Variants in ABCA2 observed in about 807,000 individuals in gnomAD.
ABCA2 encodes the protein ATP-binding cassette sub-family A member 2.
ABCA2 carries 84 observed loss-of-function variants against 262.8 expected under a neutral mutation model. The ratio of observed to expected loss-of-function variants is 0.32; its 90% CI spans 0.27 to 0.38. ABCA2 has a LOEUF of 0.38. ABCA2 is among the 10% of genes least tolerant of loss of function. The probability of loss-of-function intolerance (pLI) is 1.00; values close to 1 mark genes in which losing one functional copy is unlikely to be tolerated. For missense variants in ABCA2, 2,662 were observed against 3,405.9 expected (o/e 0.78, Z 5.44); for synonymous variants, 1,696 against 1,502.9 (o/e 1.13, Z -2.97).
rs572175887 is a variant in ABCA2, at chr9:137,009,410, G to A, written c.6787C>T (p.Arg2263Cys). Residue 2263 changes from arginine (R) to cysteine (C), a missense_variant, in exon 45 of 49, where the codon CGC becomes TGC. Around this residue, in one of 12 missense-constraint regions of ABCA2, gnomAD observed 602 missense variants for 897.4 expected, o/e 0.67. Transcript: ENST00000341511. Reference protein sequence around the residue: ...CTRLAIMVNGRLRCLGSIQHL... With the variant: ...CTRLAIMVNGCLRCLGSIQHL... ...TGGATGCTGCCCAGGCACCGCAGGC[G>A]ACCGTTCACCATGATGGCCAGCCGC... 1.9e-6 allele frequency: 3 copies of A among 1,591,454 alleles called. No homozygotes were observed. Among genetic ancestry groups the A allele is most frequent in the South Asian group, 2.2e-5 (2 of 90,596 alleles).
intron 10 of ABCA2, 95 bp downstream of exon 10, chr9:137,020,241 C>G: frequency 6.4e-7 from 1 of 1,552,070 alleles, no homozygotes; most frequent in Non-Finnish European, 8.8e-7. Context: ...CCTCCCGTGT[C>G]AATTCTGCCG....
rs1050511976 is a variant in ABCA2 at position 137,022,329 on chromosome 9, C to G, written c.567+22G>C. ...CTGGGGCAGAAGGGAGTGGCCAGGG[C>G]TGGGAGCTGTCCCTGCCTTACCTCG... On this transcript the variant is annotated intron_variant, in intron 6 of 48. Transcript: ENST00000341511. 40 of 1,580,636 alleles carry G rather than the reference C, an allele frequency of 2.5e-5. 1 individual carries two copies. Among genetic ancestry groups the G allele is most frequent in the Non-Finnish European group, 3.4e-5 (39 of 1,164,038 alleles).
chr9:137,007,763 C>T lies in ABCA2; in HGVS notation c.*166G>A. On this transcript the variant is annotated 3_prime_UTR_variant, in exon 49 of 49. Transcript: ENST00000341511. ...TTAGGGGCGGCAACCGCAGTGACCACAGGGCATGGCCGAGTACAGGGGCTG... is the reference window on the plus strand; with the variant it reads ...TTAGGGGCGGCAACCGCAGTGACCATAGGGCATGGCCGAGTACAGGGGCTG... The T allele has an allele frequency of 3.1e-6, 3 of 966,122 alleles. No individual in the cohort carries two copies. Among genetic ancestry groups the T allele is most frequent in the South Asian group, 1.5e-5 (1 of 67,702 alleles). The allele number at this position is 966,122 out of a possible 1,614,324, so 59.8% of individuals were successfully genotyped here. A position where few individuals can be genotyped will look rare whatever the true frequency, so the allele number is the denominator to read the frequency against.
chr9:137,025,926 A>G (rs1207228360), intron 1 of ABCA2, among the ~76,000 whole-genome samples: 1 of 152,170 alleles, frequency 6.6e-6, no homozygotes, highest in Non-Finnish European at 1.5e-5. Context: ...TGCCCCACAC[A>G]GGTGCCTCCA....
At position 137,020,776 on chromosome 9, in the gene ABCA2, T is replaced by C; in HGVS notation, c.1183A>G (p.Thr395Ala). 1 of 1,594,206 alleles carries C rather than the reference T, an allele frequency of 6.3e-7. No homozygotes were observed. The highest frequency in any genetic ancestry group is 8.5e-7 in the Non-Finnish European group (1 of 1,173,040). ...CACTGGCCCTGCAGCGTGTCCGGGG[T>C]GGCCAGTGCTGCAGCAGAGGGTGCG... ...EGAPSAAALA[T>A]PDTLQGQCSA... Residue 395 changes from threonine to alanine, a missense_variant, in exon 9 of 49, where the codon ACC (threonine) becomes GCC (alanine). Thr to Ala is a moderately conservative substitution (Grantham distance 58). Transcript: ENST00000341511.
Position 137,008,426 on chromosome 9 carries a change from T to C in ABCA2, c.7265A>G (p.Glu2422Gly). 6.4e-7 allele frequency: 1 copy of C among 1,550,894 alleles called. No homozygotes were observed. Among genetic ancestry groups the C allele is most frequent in the Non-Finnish European group, 8.7e-7 (1 of 1,147,566 alleles). Residue 2422 changes from glutamate (E) to glycine (G), a missense_variant, in exon 48 of 49, where the codon GAG (glutamate) becomes GGG (glycine). Around this residue, in one of 12 missense-constraint regions of ABCA2, gnomAD observed 212 missense variants for 214.4 expected, o/e 0.99. Transcript: ENST00000341511. ...DTEDEGLISFEEERAQLSFNT... is the reference protein window; with the variant it reads ...DTEDEGLISFGEERAQLSFNT... ...GAGCAGCCTGCTCACCCGCTCCTCC[T>C]CGAAGCTGATGAGGCCCTCGTCCTC...
rs747671796 is a variant in ABCA2 at position 137,013,447 on chromosome 9, G to T, written c.4550+14C>A. ...CGCCCCACCCACCAAGGCTGCCCCCGCTGGAGGCCTCACCGGTACTCGCGG... is the reference window on the plus strand; with the variant it reads ...CGCCCCACCCACCAAGGCTGCCCCCTCTGGAGGCCTCACCGGTACTCGCGG... On this transcript the variant is annotated intron_variant, in intron 29 of 48. Transcript: ENST00000341511. 3 of 1,542,052 alleles carry T rather than the reference G, an allele frequency of 1.9e-6. No individual in the cohort carries two copies. The highest frequency in any genetic ancestry group is 2.6e-6 in the Non-Finnish European group (3 of 1,139,428).
At chr9:137,023,483 A>G in intron 3 of ABCA2, 1 of 728,156 alleles carries the variant, frequency 1.4e-6, no homozygotes, top group Non-Finnish European at 2.5e-6. Flanking sequence ...CTGAAGGAGT[A>G]TGAAGGGAGA....
At chr9:137,015,940 GC>G (rs760385250) in intron 22 of ABCA2, 21 bp downstream of exon 22, 5 of 1,053,868 alleles carry the variant, frequency 4.7e-6, no homozygotes, top group Non-Finnish European at 4.6e-6. Flanking sequence ...CACCTGCCCC[GC>G]CCCCCGCCCA....
chr9:137,025,680 T>TGCAGGAGTGAGGCAATGTCAGAG (rs1831631470), intron 1 of ABCA2, among the ~76,000 whole-genome samples: 1 of 152,286 alleles, frequency 6.6e-6, no homozygotes, highest in South Asian at 2.1e-4. Flanking sequence ...CGAGGGTGGC[T>TGCAGGAGTGAGGCAATGTCAGAG]GCAGGAGTGA....
rs1198013294 is a variant in ABCA2, at chr9:137,012,475, C to T, written c.5187+10G>A. The stretch of plus-strand genomic sequence containing the variant: ...CACACAGCGGGGCCCAGGCCCGCAG[C>T]CTCGCTCACCTGGGCAGCCCTGCGC... On this transcript the variant is annotated intron_variant, in intron 32 of 48. Transcript: ENST00000341511. The T allele has an allele frequency of 3.7e-6, 6 of 1,611,012 alleles. No individual in the cohort carries two copies. In the East Asian group the frequency reaches 1.3e-4, roughly 36 times the overall value.
chr9:137,024,410 AG>A (rs1474972289), intron 1 of ABCA2, among the ~76,000 whole-genome samples, 174 bp from the exon 2 acceptor site: 1 of 152,212 alleles, frequency 6.6e-6, no homozygotes, highest in African/African-American at 2.4e-5. Context: ...CAGGGCACTG[AG>A]GGTAAGGATT....
intron 15 of ABCA2, 24 bp downstream of exon 15, chr9:137,017,949 C>T (rs368235993): frequency 7.4e-5 from 119 of 1,612,202 alleles, no homozygotes; most frequent in Non-Finnish European, 9.5e-5. Flanking sequence ...GCCCCAGCCC[C>T]AGCCCCGGGC....
Position 137,022,345 on chromosome 9 carries a change from C to T in ABCA2, c.567+6G>A, listed in dbSNP as rs779520492. 4.4e-6 allele frequency: 7 copies of T among 1,598,720 alleles called. No homozygotes were observed. In the South Asian group the frequency reaches 7.9e-5, roughly 18 times the overall value. On this transcript the variant is annotated splice_donor_region_variant and intron_variant, in intron 6 of 48. Coordinates refer to ENST00000341511, the MANE Select transcript of ABCA2 (RefSeq NM_001606.5). ...TGGCCAGGGCTGGGAGCTGTCCCTG[C>T]CTTACCTCGGGCGGGTCCACACGGG...
intron 1 of ABCA2, among the ~76,000 whole-genome samples, chr9:137,027,235 C>T (rs577118184): frequency 6.6e-6 from 1 of 152,330 alleles, no homozygotes; most frequent in South Asian, 2.1e-4. Flanking sequence ...GCCAAGCTGG[C>T]CAGCTGGGGG....
chr9:137,009,186 A>G, intron 45 of ABCA2, 133 bp from the exon 46 acceptor site: 1 of 627,760 alleles, frequency 1.6e-6, no homozygotes, highest in Non-Finnish European at 2.4e-6. Flanking sequence ...CCAACCCCAC[A>G]GCCCCCACAG....
intron 46 of ABCA2, 34 bp downstream of exon 46, chr9:137,008,917 C>T (rs745794491): frequency 1.3e-5 from 15 of 1,185,294 alleles, no homozygotes; most frequent in South Asian, 3.8e-5. Context: ...CACCCCGTAG[C>T]GCCCCCTCCA....
intron 1 of ABCA2, 93 bp downstream of exon 1, chr9:137,027,982 C>T (rs1831713844): frequency 2.9e-6 from 2 of 687,638 alleles, no homozygotes; most frequent in African/African-American, 2.0e-5. Context: ...GGTCTGCGCG[C>T]GCCCGGCCGT....
intron 28 of ABCA2, 122 bp downstream of exon 28, chr9:137,013,710 T>C: frequency 7.4e-7 from 1 of 1,355,886 alleles, no homozygotes; most frequent in South Asian, 1.3e-5. Flanking sequence ...CCCCGGTGCG[T>C]GCCCAGCCTC....
Sources: gnomAD v4.1 joint callset for allele counts (sites outside exome capture counted in the v4.1 genomes callset) on GRCh38, gnomAD v4.1.1 for gene constraint, gnomAD v4.1.1 regional missense constraint, MANE v1.5 for transcripts, NCBI Gene and HGNC (gene_info 2026-07-23, HGNC 2026-07-21) for gene names.